Variants in ATP6V0A1 observed in about 807,000 individuals in gnomAD.
The protein encoded by ATP6V0A1 is V-type proton ATPase 116 kDa subunit a 1.
In ATP6V0A1, 43 loss-of-function variants were observed where a neutral mutation model predicts 105.4. That is an observed-to-expected ratio of 0.41 (90% confidence interval 0.32 to 0.53). The LOEUF is 0.53. Among genes scored for constraint, ATP6V0A1 ranks in the 20% least tolerant of loss-of-function variants. ATP6V0A1 has a pLI of 0.30. For synonymous variants in ATP6V0A1, 362 were observed against 372.8 expected, an observed-to-expected ratio of 0.97 and a Z score of 0.33; for missense variants, 676 against 1,051.1, an observed-to-expected ratio of 0.64 and a Z score of 4.93.
chr17:42,493,598 C>A (rs1017149646), intron 11 of ATP6V0A1, among the ~76,000 whole-genome samples: 4 of 152,156 alleles, frequency 2.6e-5, no homozygotes, highest in Admixed American at 2.6e-4. Flanking sequence ...AAGTTCAGGA[C>A]TAGCTTGGGC....
chr17:42,520,866 TAAAAGTG>T, intron 21 of ATP6V0A1, 154 bp from the exon 22 acceptor site: 3 of 665,998 alleles, frequency 4.5e-6, no homozygotes, highest in Non-Finnish European at 5.3e-6. Context: ...TCCCAGGCCT[TAAAAGTG>T]GGATCTCTGC....
At chr17:42,489,078 T>G (rs1454911953) in intron 10 of ATP6V0A1, among the ~76,000 whole-genome samples, 5 of 147,362 alleles carry the variant, frequency 3.4e-5, no homozygotes, top group Admixed American at 2.0e-4. Context: ...GTTTTTTGGT[T>G]TTTTTTTTTT....
intron 5 of ATP6V0A1, among the ~76,000 whole-genome samples, chr17:42,475,120 A>G (rs1382339957): frequency 6.6e-6 from 1 of 152,180 alleles, no homozygotes; most frequent in South Asian, 2.1e-4. Context: ...TTTTCCATCC[A>G]TCTGCTTTCT....
intron 19 of ATP6V0A1, among the ~76,000 whole-genome samples, chr17:42,512,365 C>G (rs1190755852): frequency 6.6e-6 from 1 of 152,168 alleles, no homozygotes; most frequent in African/African-American, 2.4e-5. Flanking sequence ...GCCCAGTGGT[C>G]ACTGCCCTCC....
chr17:42,470,359 G>C, intron 5 of ATP6V0A1, 141 bp downstream of exon 5: 1 of 1,017,164 alleles, frequency 9.8e-7, no homozygotes, highest in Non-Finnish European at 1.4e-6. Context: ...TTACAGAAAT[G>C]TGAGATTATG....
rs192511716 is a variant in ATP6V0A1, at chr17:42,508,231, C to T, written c.2113-341C>T. On this transcript the variant is annotated intron_variant, in intron 18 of 21. Coordinates refer to ENST00000343619, the MANE Select transcript of ATP6V0A1 (RefSeq NM_001130021.3). ...TGTAGCACAAAGCCTCTGAACTGAA[C>T]TATTAAATCTCATCTACTCATTATG... Among the ~76,000 whole-genome samples, 102 of 152,288 alleles carry T rather than the reference C, an allele frequency of 6.7e-4. 1 individual carries two copies. The highest frequency in any genetic ancestry group is 1.2e-3 in the Non-Finnish European group (79 of 68,026).
intron 2 of ATP6V0A1, among the ~76,000 whole-genome samples, chr17:42,463,056 A>G (rs1033429974): frequency 8.9e-6 from 1 of 111,784 alleles, no homozygotes; most frequent in African/African-American, 3.5e-5. Flanking sequence ...CCCAGGCTGG[A>G]GTGTAGTGGT....
intron 11 of ATP6V0A1, among the ~76,000 whole-genome samples, chr17:42,493,938 T>C (rs2090910007): frequency 1.3e-5 from 2 of 152,134 alleles, no homozygotes; most frequent in South Asian, 4.1e-4. Context: ...TAAGTCACCT[T>C]ATATTGATCT....
At chr17:42,462,521 GC>G in intron 2 of ATP6V0A1, among the ~76,000 whole-genome samples, 1 of 152,150 alleles carries the variant, frequency 6.6e-6, no homozygotes, top group South Asian at 2.1e-4. Flanking sequence ...CCAGGTTCAA[GC>G]AATTCTCCTG....
intron 16 of ATP6V0A1, 107 bp from the exon 17 acceptor site, chr17:42,501,079 GTTATTCATAGA>G: frequency 8.7e-7 from 1 of 1,147,416 alleles, no homozygotes; most frequent in Non-Finnish European, 1.3e-6. Context: ...ATTGGATAGT[GTTATTCATAGA>G]TTAGTAAGAA....
At chr17:42,475,194 A>G (rs568494114) in intron 5 of ATP6V0A1, among the ~76,000 whole-genome samples, 1 of 152,318 alleles carries the variant, frequency 6.6e-6, no homozygotes, top group African/African-American at 2.4e-5. Context: ...AATGAAATAT[A>G]ATTTTTTTCT....
Position 42,487,253 on chromosome 17 carries a change from C to G in ATP6V0A1, c.909C>G (p.Ile303Met). The change falls in exon 10 of 22, where the codon ATC becomes ATG. Residue 303 changes from isoleucine (I) to methionine (M), a missense_variant. Physicochemically the swap from Ile to Met is conservative, Grantham distance 10 (BLOSUM62 1). Transcript: ENST00000343619. ...WFIKVRKMKAIYHTLNLCNID... is the reference protein window; with the variant it reads ...WFIKVRKMKAMYHTLNLCNID... ...TCAAAGTGCGGAAGATGAAGGCCAT[C>G]TATCACACCCTGAACCTGTGCAACA... The G allele has an allele frequency of 6.2e-7, 1 of 1,614,212 alleles. No homozygotes were observed.
At chr17:42,477,504 TTTTTATGGATATA>T in intron 5 of ATP6V0A1, 143 bp from the exon 6 acceptor site, 1 of 646,582 alleles carries the variant, frequency 1.5e-6, no homozygotes, top group Non-Finnish European at 2.5e-6. Flanking sequence ...TCTTCTTGTC[TTTTTATGGATATA>T]TCTTGTCTTT....
chr17:42,469,971 C>T, intron 4 of ATP6V0A1, 119 bp from the exon 5 acceptor site: 1 of 1,047,428 alleles, frequency 9.5e-7, no homozygotes, highest in Non-Finnish European at 1.4e-6. Context: ...ATTTGCTAGG[C>T]AAGTCCAAGT....
chr17:42,473,728 T>C (rs1439294005), intron 5 of ATP6V0A1, among the ~76,000 whole-genome samples: 1 of 152,230 alleles, frequency 6.6e-6, no homozygotes, highest in East Asian at 1.9e-4. Context: ...CCTATTATGG[T>C]TCATTTTTGG....
chr17:42,509,395 T>G (rs2092230375), intron 19 of ATP6V0A1, among the ~76,000 whole-genome samples: 2 of 152,136 alleles, frequency 1.3e-5, no homozygotes, highest in Non-Finnish European at 2.9e-5. Context: ...AGCACTTCTC[T>G]CTAAAATGCC....
chr17:42,514,195 G>A (rs780700688), intron 20 of ATP6V0A1, 94 bp from the exon 21 acceptor site: 300 of 1,468,994 alleles, frequency 2.0e-4, no homozygotes, highest in Non-Finnish European at 2.6e-4. Context: ...CAGGATCCAG[G>A]GAACCCTAGA....
In ATP6V0A1 at chr17:42,507,749, C is replaced by T. The variant is rs939225372; in HGVS notation, c.2112+122C>T. On this transcript the variant is annotated intron_variant, in intron 18 of 21. Transcript: ENST00000343619. ...ATAAAAATACTAATTAATATTCAGC[C>T]TGCCTTCTGGACCTCTTAGGGCACC... is the stretch of plus-strand genomic sequence containing the variant. 22 of 863,192 alleles carry T rather than the reference C, an allele frequency of 2.5e-5. No individual in the cohort carries two copies. In the Admixed American group the frequency reaches 4.2e-4, roughly 17 times the overall value. The allele number at this position is 863,192 out of a possible 1,614,324, so 53.5% of individuals were successfully genotyped here. A position where few individuals can be genotyped will look rare whatever the true frequency, so the allele number is the denominator to read the frequency against.
intron 19 of ATP6V0A1, 128 bp from the exon 20 acceptor site, chr17:42,513,733 G>T: frequency 3.5e-6 from 3 of 860,524 alleles, no homozygotes; most frequent in Non-Finnish European, 5.7e-6. Flanking sequence ...CAGAGTTGAG[G>T]TGCCATCCAT....
Sources: allele counts gnomAD v4.1 joint callset (sites outside exome capture counted in the v4.1 genomes callset), GRCh38; gene constraint gnomAD v4.1.1; transcripts MANE v1.5; gene names NCBI Gene and HGNC (gene_info 2026-07-23, HGNC 2026-07-21).